The following GLIS3 variants were observed in gnomAD, a reference collection of about 807,000 sequenced individuals.
GLIS3 encodes the protein GLIS family zinc finger 3, also known as zinc finger protein GLIS3.
A neutral mutation model predicts 78.6 loss-of-function variants in GLIS3; 53 were observed. The ratio of observed to expected loss-of-function variants is 0.67; its 90% CI spans 0.54 to 0.85. GLIS3 has a LOEUF of 0.85. GLIS3 is among the 40% of genes least tolerant of loss of function. GLIS3 has a pLI of 0.00. For synonymous variants in GLIS3, 684 were observed against 509.9 expected (o/e 1.34, Z -4.60); for missense variants, 1,703 against 1,231.1 (o/e 1.38, Z -5.74).
intron 2 of GLIS3, among the ~76,000 whole-genome samples, chr9:4,338,024 CTGTGTGTGTGTGTGTGTGTG>C (rs74777663): frequency 1.4e-5 from 2 of 138,898 alleles, no homozygotes; most frequent in East Asian, 2.2e-4. Flanking sequence ...ATTGGCAAGG[CTGTGTGTGTGTGTGTGTGTG>C]TGTGTGTGTG....
the GLIS3 span, among the ~76,000 whole-genome samples, chr9:4,364,053 A>C: frequency 6.6e-6 from 1 of 152,228 alleles, no homozygotes; most frequent in Non-Finnish European, 1.5e-5. Flanking sequence ...AGACTTATCT[A>C]ATAAATATTA....
chr9:4,353,224 G>C (rs898683390), upstream of GLIS3, among the ~76,000 whole-genome samples: 8 of 152,160 alleles, frequency 5.3e-5, no homozygotes, highest in African/African-American at 1.9e-4. Context: ...GCAGACTTCT[G>C]TACCCTACCA....
chr9:4,195,373 G>C (rs1818724936), intron 2 of GLIS3, among the ~76,000 whole-genome samples: 1 of 152,232 alleles, frequency 6.6e-6, no homozygotes. Flanking sequence ...GCGTGGGCTT[G>C]GCCGGCCCCA....
At chr9:4,025,922 T>A (rs1295758621) in intron 4 of GLIS3, among the ~76,000 whole-genome samples, 3 of 152,096 alleles carry the variant, frequency 2.0e-5, no homozygotes, top group African/African-American at 7.2e-5. Flanking sequence ...TATTGAGAAA[T>A]AATAGAGAAA....
rs553236691 is a variant in GLIS3 at position 3,967,134 on chromosome 9, T to A, written c.1711-29945A>T. 4.7e-5 allele frequency among the ~76,000 whole-genome samples: 7 copies of A among 149,990 alleles called. No individual in the cohort carries two copies. In the South Asian group the frequency reaches 1.5e-3, roughly 32 times the overall value. On this transcript the variant is annotated intron_variant, in intron 4 of 10. Coordinates refer to ENST00000381971, the MANE Select transcript of GLIS3 (RefSeq NM_001042413.2). ...TAAAGAAGTCCAGTAAGGATCTCTA[T>A]CTGCCATACACCTGGCCAATTCATT...
chr9:3,898,580 A>T (rs759532100), intron 7 of GLIS3, 111 bp downstream of exon 7: 1 of 1,287,066 alleles, frequency 7.8e-7, no homozygotes, highest in South Asian at 1.2e-5. Flanking sequence ...ATTGATAAAG[A>T]ACAACACAGA....
At chr9:4,279,110 G>C (rs560127191) in intron 2 of GLIS3, among the ~76,000 whole-genome samples, 24 of 151,990 alleles carry the variant, frequency 1.6e-4, no homozygotes, top group African/African-American at 5.8e-4. Flanking sequence ...GACCAGCCTG[G>C]CCAAGATGGT....
At chr9:4,132,016 C>T (rs1833012021) in intron 2 of GLIS3, among the ~76,000 whole-genome samples, 1 of 149,422 alleles carries the variant, frequency 6.7e-6, no homozygotes, top group South Asian at 2.1e-4. Flanking sequence ...TTCCAATATT[C>T]TTTCTGCTTT....
intron 4 of GLIS3, among the ~76,000 whole-genome samples, chr9:4,002,322 G>C (rs1391917401): frequency 6.6e-6 from 1 of 152,160 alleles, no homozygotes; most frequent in Admixed American, 6.5e-5. Context: ...AGTAAGTCCA[G>C]TAAAATTCAT....
At chr9:4,329,949 G>A (rs4352901) in intron 2 of GLIS3, among the ~76,000 whole-genome samples, 144,737 of 152,214 alleles carry the variant, frequency 0.95, 69,260 homozygotes, top group East Asian at 1. Context: ...TTATTTTAGT[G>A]TATCAATTAA....
chr9:4,317,606 A>C (rs1408752575), intron 2 of GLIS3, among the ~76,000 whole-genome samples: 5 of 152,252 alleles, frequency 3.3e-5, no homozygotes. Context: ...TCATCCTTTT[A>C]TATGATACCT....
At position 4,122,711 on chromosome 9, in the gene GLIS3, A is replaced by G. The variant is rs1832280743; in HGVS notation, c.596+3023T>C. 2.0e-5 allele frequency among the ~76,000 whole-genome samples: 3 copies of G among 152,206 alleles called. No homozygotes were observed. In the South Asian group the frequency reaches 6.2e-4, roughly 31 times the overall value. On this transcript the variant is annotated intron_variant, in intron 3 of 10. Transcript: ENST00000381971. ...TGCATGTGAAAACACTAGAAAAGCT[A>G]AGTATGCTACCAAAGCCATGCAGGT...
chr9:3,949,828 A>C lies in GLIS3; in HGVS notation c.1711-12639T>G, dbSNP rs796563473. Among the ~76,000 whole-genome samples, 19 of 152,300 alleles carry C rather than the reference A, an allele frequency of 1.2e-4. No individual in the cohort carries two copies. The South Asian group carries it at 3.7e-3, about 30-fold the overall frequency. On this transcript the variant is annotated intron_variant, in intron 4 of 10. Coordinates refer to ENST00000381971, the MANE Select transcript of GLIS3 (RefSeq NM_001042413.2). Reference sequence around the variant, plus strand: ...GCCTCGAGAAAGAGAAAAATAGTTCATTTTGCTATTTTCCGTTGGTGGATA... The same window carrying C: ...GCCTCGAGAAAGAGAAAAATAGTTCCTTTTGCTATTTTCCGTTGGTGGATA...
At chr9:4,206,702 T>C (rs962493492) in intron 2 of GLIS3, among the ~76,000 whole-genome samples, 23 of 152,208 alleles carry the variant, frequency 1.5e-4, no homozygotes, top group Admixed American at 1.4e-3. Flanking sequence ...TGAAATGATA[T>C]ACTGGTGAAA....
intron 9 of GLIS3, among the ~76,000 whole-genome samples, chr9:3,845,735 G>A (rs754017147): frequency 2.6e-5 from 4 of 151,982 alleles, no homozygotes; most frequent in East Asian, 1.9e-4. Flanking sequence ...GCATGCCCAC[G>A]CACGCACACA....
the GLIS3 span, among the ~76,000 whole-genome samples, chr9:4,401,153 A>T: frequency 7.2e-5 from 11 of 152,248 alleles, no homozygotes; most frequent in Middle Eastern, 3.4e-3. Context: ...CAGCATTTCT[A>T]TATCTGTCCT....
intron 2 of GLIS3, among the ~76,000 whole-genome samples, chr9:4,262,443 C>G (rs570541418): frequency 1.3e-5 from 2 of 152,108 alleles, no homozygotes; most frequent in South Asian, 4.2e-4. Flanking sequence ...GAGGCTAAAT[C>G]GGAGGTTCTC....
chr9:4,430,765 A>G, the GLIS3 span, among the ~76,000 whole-genome samples: 1 of 152,192 alleles, frequency 6.6e-6, no homozygotes, highest in Non-Finnish European at 1.5e-5. Context: ...CAATCCAAAG[A>G]TAAGCAGATA....
At chr9:4,005,612 C>G (rs1216615961) in intron 4 of GLIS3, among the ~76,000 whole-genome samples, 1 of 152,100 alleles carries the variant, frequency 6.6e-6, no homozygotes, top group Non-Finnish European at 1.5e-5. Context: ...GTTGAAAGGA[C>G]CAAATTAATT....
Sources: allele counts gnomAD v4.1 joint callset (sites outside exome capture counted in the v4.1 genomes callset), GRCh38; gene constraint gnomAD v4.1.1; transcripts MANE v1.5; gene names NCBI Gene and HGNC (gene_info 2026-07-23, HGNC 2026-07-21).